Variants in MLLT3 observed in about 807,000 individuals in gnomAD.
MLLT3 encodes MLLT3 super elongation complex subunit, also known as protein AF-9.
A neutral mutation model predicts 53.2 loss-of-function variants in MLLT3; 4 were observed. The observed-to-expected ratio is 0.08, with a 90% CI of 0.04 to 0.17. MLLT3 has a LOEUF of 0.17. Ranked by LOEUF, MLLT3 falls within the 10% of genes least tolerant of loss-of-function variation. MLLT3 has a pLI of 1.00. For missense variants in MLLT3, 569 were observed against 684.0 expected (o/e 0.83, Z 1.87); for synonymous variants, 283 against 230.6 (o/e 1.23, Z -2.06).
chr9:20,576,145 A>G (rs1373639580), intron 2 of MLLT3, among the ~76,000 whole-genome samples: 2 of 152,180 alleles, frequency 1.3e-5, no homozygotes, highest in African/African-American at 2.4e-5. Context: ...ACCCCATAAA[A>G]CAACCTCCAA....
chr9:20,614,055 G>C (rs1461184382), intron 2 of MLLT3, among the ~76,000 whole-genome samples: 2 of 152,168 alleles, frequency 1.3e-5, no homozygotes, highest in Non-Finnish European at 2.9e-5. Flanking sequence ...AAGATGATAT[G>C]CCACAAGGGT....
chr9:20,377,419 T>C (rs1821795624), intron 5 of MLLT3, among the ~76,000 whole-genome samples: 1 of 152,080 alleles, frequency 6.6e-6, no homozygotes. Flanking sequence ...CAGTACTGGA[T>C]TATAAATATT....
intron 2 of MLLT3, among the ~76,000 whole-genome samples, chr9:20,520,908 G>A (rs1473750640): frequency 6.6e-6 from 1 of 152,218 alleles, no homozygotes; most frequent in East Asian, 1.9e-4. Context: ...GGAAGACTAA[G>A]AGTGGGAGAA....
chr9:20,358,468 C>T (rs1417946306), intron 8 of MLLT3, among the ~76,000 whole-genome samples: 2 of 152,206 alleles, frequency 1.3e-5, no homozygotes, highest in Non-Finnish European at 2.9e-5. Flanking sequence ...GAGTATGCTA[C>T]TTAATCAGAT....
chr9:20,589,552 T>C (rs1408584118), intron 2 of MLLT3, among the ~76,000 whole-genome samples: 1 of 149,204 alleles, frequency 6.7e-6, no homozygotes, highest in African/African-American at 2.5e-5. Flanking sequence ...ACCTGCACAA[T>C]GTGCACATGT....
chr9:20,436,650 T>C (rs1457787470), intron 4 of MLLT3, among the ~76,000 whole-genome samples: 1 of 152,184 alleles, frequency 6.6e-6, no homozygotes, highest in Non-Finnish European at 1.5e-5. Context: ...AGAAAGAATA[T>C]GCAAGAACAA....
intron 2 of MLLT3, among the ~76,000 whole-genome samples, chr9:20,576,106 T>C (rs1819645939): frequency 1.3e-5 from 2 of 152,232 alleles, no homozygotes; most frequent in Non-Finnish European, 2.9e-5. Flanking sequence ...CTTGCACTTT[T>C]ATGTTATGAA....
chr9:20,346,984 G>A (rs1299552174), intron 10 of MLLT3, among the ~76,000 whole-genome samples: 2 of 140,768 alleles, frequency 1.4e-5, no homozygotes, highest in East Asian at 4.3e-4. Flanking sequence ...TTTTACTTAA[G>A]TACAAACACA....
chr9:20,552,933 A>G (rs1818962054), intron 2 of MLLT3, among the ~76,000 whole-genome samples: 1 of 152,176 alleles, frequency 6.6e-6, no homozygotes, highest in Non-Finnish European at 1.5e-5. Context: ...AAAAAGTTGC[A>G]AGGTAAAAAA....
At chr9:20,558,290 TTTTTTG>T (rs1031045207) in intron 2 of MLLT3, among the ~76,000 whole-genome samples, 13 of 152,256 alleles carry the variant, frequency 8.5e-5, no homozygotes, top group East Asian at 7.7e-4. Context: ...GAAGCAATTA[TTTTTTG>T]TTTTTGTTTT....
intron 2 of MLLT3, among the ~76,000 whole-genome samples, chr9:20,614,055 GCC>G (rs1820764300): frequency 6.6e-6 from 1 of 152,168 alleles, no homozygotes; most frequent in East Asian, 1.9e-4. Flanking sequence ...AAGATGATAT[GCC>G]ACAAGGGTAG....
Position 20,346,379 on chromosome 9 carries a change from C to CAAAAAAAAAAAAAACAAAAAAA in MLLT3, c.*63_*64insTTTTTTTGTTTTTTTTTTTTTT, listed in dbSNP as rs1587135214. ...AACAACAAGAACAAAAAATCACAAC[C>CAAAAAAAAAAAAAACAAAAAAA]AAAAAAAAAAAAAACCAAAAAAAAA... On this transcript the variant is annotated 3_prime_UTR_variant, in exon 11 of 11. Transcript: ENST00000380338. The CAAAAAAAAAAAAAACAAAAAAA allele has an allele frequency of 2.0e-6, 2 of 985,698 alleles. No homozygotes were observed. The highest frequency in any genetic ancestry group is 2.6e-6 in the Non-Finnish European group (2 of 762,466). 61.1% of individuals were successfully genotyped at this position (985,698 alleles called of 1,614,324 possible). A position where few individuals can be genotyped will look rare whatever the true frequency, so the allele number is the denominator to read the frequency against.
chr9:20,439,674 C>T (rs1048371668), intron 4 of MLLT3, among the ~76,000 whole-genome samples: 1 of 152,074 alleles, frequency 6.6e-6, no homozygotes, highest in African/African-American at 2.4e-5. Flanking sequence ...TTATATCAAT[C>T]CTCTGAAGTG....
chr9:20,343,175 G>A lies in MLLT3; in HGVS notation c.*3268C>T, dbSNP rs1587131571. On this transcript the variant is annotated 3_prime_UTR_variant, in exon 11 of 11. Coordinates refer to ENST00000380338, the MANE Select transcript of MLLT3 (RefSeq NM_004529.4). ...TTAAAGATTAGGTGGGCCTGTAAAA[G>A]ATATCGGCAAAAAAAAAAAAAAAAA... The A allele has an allele frequency of 3.4e-5, 1 of 29,576 alleles. No homozygotes were observed. The allele number at this position is 29,576 out of a possible 1,614,324, so 1.8% of individuals were successfully genotyped here.
chr9:20,499,775 C>G (rs1825171395), intron 2 of MLLT3, among the ~76,000 whole-genome samples: 1 of 152,104 alleles, frequency 6.6e-6, no homozygotes, highest in Non-Finnish European at 1.5e-5. Context: ...TGTTCTGTCT[C>G]CAAATAGGGT....
chr9:20,497,288 A>C (rs1180705569), intron 2 of MLLT3, among the ~76,000 whole-genome samples: 4 of 152,200 alleles, frequency 2.6e-5, no homozygotes, highest in African/African-American at 9.7e-5. Context: ...ATCTTTATTA[A>C]CCACAATTGA....
At chr9:20,561,871 G>A (rs973364224) in intron 2 of MLLT3, among the ~76,000 whole-genome samples, 1 of 151,392 alleles carries the variant, frequency 6.6e-6, no homozygotes, top group African/African-American at 2.4e-5. Flanking sequence ...TACTCGCTGC[G>A]TATCACTATA....
At chr9:20,611,129 A>T (rs895493805) in intron 2 of MLLT3, among the ~76,000 whole-genome samples, 2 of 152,150 alleles carry the variant, frequency 1.3e-5, no homozygotes. Context: ...GATGATATAA[A>T]GTCTACAATG....
chr9:20,538,741 A>T (rs1350523578), intron 2 of MLLT3, among the ~76,000 whole-genome samples: 1 of 152,260 alleles, frequency 6.6e-6, no homozygotes, highest in Non-Finnish European at 1.5e-5. Flanking sequence ...CCTTAAAAAC[A>T]TAAATAAAAC....
Sources: allele counts gnomAD v4.1 joint callset (sites outside exome capture counted in the v4.1 genomes callset), GRCh38; gene constraint gnomAD v4.1.1; transcripts MANE v1.5; gene names NCBI Gene and HGNC (gene_info 2026-07-23, HGNC 2026-07-21).